MBNL1: variants seen among roughly 807,000 people sequenced by gnomAD.
The protein encoded by MBNL1 is muscleblind-like protein 1.
In MBNL1, 8 loss-of-function variants were observed where a neutral mutation model predicts 42.2. The observed-to-expected ratio is 0.19, with a 90% CI of 0.11 to 0.34. MBNL1 has a LOEUF of 0.34. Ranked by LOEUF, MBNL1 falls within the 10% of genes least tolerant of loss-of-function variation. The pLI is 1.00. For missense variants in MBNL1, 309 were observed against 495.3 expected, an observed-to-expected ratio of 0.62 and a Z score of 3.57; for synonymous variants, 169 against 173.9, an observed-to-expected ratio of 0.97 and a Z score of 0.22.
At chr3:152,374,617 A>G (rs1180472376) in intron 2 of MBNL1, among the ~76,000 whole-genome samples, 1 of 152,250 alleles carries the variant, frequency 6.6e-6, no homozygotes. Context: ...CAGCATACGA[A>G]TACCAGGAAA....
In MBNL1 at chr3:152,340,368, T is replaced by C. The variant is rs2092826240; in HGVS notation, c.174+40001T>C. The C allele has an allele frequency of 6.5e-6, 5 of 770,670 alleles. No homozygotes were observed. The South Asian group carries it at 7.5e-5, about 12-fold the overall frequency. The allele number at this position is 770,670 out of a possible 1,614,324, so 47.7% of individuals were successfully genotyped here. ...AAAACTGAACAATAGTAATCTCTTG[T>C]GGTGTATACTTGCCACCTCTGTAAG... On this transcript the variant is annotated intron_variant, in intron 2 of 9. Transcript: ENST00000324210.
chr3:152,353,137 A>G (rs1315213704), intron 2 of MBNL1, among the ~76,000 whole-genome samples: 1 of 152,188 alleles, frequency 6.6e-6, no homozygotes, highest in Non-Finnish European at 1.5e-5. Context: ...GCGAACAAAA[A>G]CACACCTCAG....
At chr3:152,408,248 A>T (rs1293180157) in intron 2 of MBNL1, among the ~76,000 whole-genome samples, 1 of 152,216 alleles carries the variant, frequency 6.6e-6, no homozygotes. Context: ...AACAGGATAT[A>T]TACTATGTAT....
intron 5 of MBNL1, chr3:152,446,884 CTG>C (rs1044101125): frequency 2.5e-5 from 18 of 729,786 alleles, no homozygotes; most frequent in African/African-American, 2.2e-4. Context: ...AATGAAAAAA[CTG>C]AGTGTGGTTT....
chr3:152,346,713 A>G (rs1170595589), intron 2 of MBNL1, among the ~76,000 whole-genome samples: 2 of 152,106 alleles, frequency 1.3e-5, no homozygotes, highest in East Asian at 1.9e-4. Context: ...GTTGCCCAAG[A>G]GAAAAATACA....
Position 152,464,011 on chromosome 3 carries a change from G to A in MBNL1, c.*1645G>A, listed in dbSNP as rs1400623525. ...TTAAAGCCTTAGATTATTACATTAC[G>A]GGTTGGAACCCATACCAATGTAATT... On this transcript the variant is annotated 3_prime_UTR_variant, in exon 10 of 10. Transcript: ENST00000324210. 6.6e-6 allele frequency: 1 copy of A among 152,432 alleles called. No homozygotes were observed. The highest frequency in any genetic ancestry group is 1.5e-5 in the Non-Finnish European group (1 of 67,950). 9.4% of individuals were successfully genotyped at this position (152,432 alleles called of 1,614,324 possible). A position where few individuals can be genotyped will look rare whatever the true frequency, so the allele number is the denominator to read the frequency against.
chr3:152,245,794 T>C (rs1295574979), intron 2 of MBNL1, among the ~76,000 whole-genome samples: 1 of 152,326 alleles, frequency 6.6e-6, no homozygotes, highest in South Asian at 2.1e-4. Flanking sequence ...AGAGTGTTAC[T>C]GTTACAAACT....
intron 1 of MBNL1, among the ~76,000 whole-genome samples, chr3:152,283,964 T>G (rs1467026096): frequency 6.6e-6 from 1 of 152,206 alleles, no homozygotes; most frequent in Non-Finnish European, 1.5e-5. Flanking sequence ...ACCTCTACTG[T>G]GTACTTCTCG....
rs202070328 is a variant in MBNL1, at chr3:152,319,614, G to GTTTTTTTTT, written c.174+19264_174+19272dup. Among the ~76,000 whole-genome samples, 70 of 80,504 alleles carry GTTTTTTTTT rather than the reference G, an allele frequency of 8.7e-4. 8 individuals are homozygous for GTTTTTTTTT. Among genetic ancestry groups the GTTTTTTTTT allele is most frequent in the South Asian group, 2.2e-3 (5 of 2,296 alleles). The allele number at this position is 80,504 out of a possible 152,430, so 52.8% of individuals were successfully genotyped here. A position where few individuals can be genotyped will look rare whatever the true frequency, so the allele number is the denominator to read the frequency against. On this transcript the variant is annotated intron_variant, in intron 2 of 9. Transcript: ENST00000324210. ...TACGGTGGCATTAAAGTTCTATACT[G>GTTTTTTTTT]TTTTTTTTTTTTTTTTTTTTTTTTT...
intron 1 of MBNL1, chr3:152,269,511 T>C (rs1165981856): frequency 2.2e-6 from 1 of 455,208 alleles, no homozygotes; most frequent in East Asian, 7.0e-5. Context: ...CCCGCATCCC[T>C]GGCCCCGGGG....
intron 2 of MBNL1, among the ~76,000 whole-genome samples, chr3:152,398,372 T>A (rs1013153537): frequency 5.3e-5 from 8 of 152,274 alleles, no homozygotes; most frequent in Admixed American, 4.6e-4. Context: ...CCTATCATGT[T>A]TAATATCAGG....
At chr3:152,338,011 T>G in intron 2 of MBNL1, 1 of 858,320 alleles carries the variant, frequency 1.2e-6, no homozygotes, top group Non-Finnish European at 1.4e-6. Flanking sequence ...TATTTGTAAA[T>G]TAAATATTGC....
At chr3:152,454,348 A>G (rs1473543087) in intron 6 of MBNL1, among the ~76,000 whole-genome samples, 1 of 152,188 alleles carries the variant, frequency 6.6e-6, no homozygotes, top group Non-Finnish European at 1.5e-5. Context: ...TTATAGGGCC[A>G]TCTCTGACGA....
intron 2 of MBNL1, among the ~76,000 whole-genome samples, chr3:152,322,479 T>A (rs991106710): frequency 3.3e-5 from 5 of 152,068 alleles, no homozygotes; most frequent in African/African-American, 1.2e-4. Context: ...CAAACTAGCC[T>A]TGTATATAGA....
intron 2 of MBNL1, among the ~76,000 whole-genome samples, chr3:152,390,782 G>C (rs2153471801): frequency 6.6e-6 from 1 of 152,270 alleles, no homozygotes; most frequent in South Asian, 2.1e-4. Context: ...TAGGATACTT[G>C]ATGCAGGGAG....
At chr3:152,277,050 C>T (rs1042479757) in intron 1 of MBNL1, among the ~76,000 whole-genome samples, 1 of 152,054 alleles carries the variant, frequency 6.6e-6, no homozygotes, top group Non-Finnish European at 1.5e-5. Flanking sequence ...ATTTAAAAAA[C>T]TTTTAATCAA....
At chr3:152,432,999 C>A in intron 4 of MBNL1, 79 bp downstream of exon 4, 1 of 1,367,180 alleles carries the variant, frequency 7.3e-7, no homozygotes, top group Non-Finnish European at 1.0e-6. Context: ...TGTGTGTTTC[C>A]ATGGCCAAAA....
intron 2 of MBNL1, among the ~76,000 whole-genome samples, chr3:152,335,596 TTCC>T (rs1391096152): frequency 6.6e-6 from 1 of 152,062 alleles, no homozygotes; most frequent in Non-Finnish European, 1.5e-5. Context: ...AAAGCAGTTG[TTCC>T]TCCTTTCAAT....
At chr3:152,294,978 A>T (rs559699849) in intron 1 of MBNL1, among the ~76,000 whole-genome samples, 1 of 152,300 alleles carries the variant, frequency 6.6e-6, no homozygotes, top group African/African-American at 2.4e-5. Context: ...GATCTATAGG[A>T]TATAATTTGA....
Sources: allele counts gnomAD v4.1 joint callset (sites outside exome capture counted in the v4.1 genomes callset), GRCh38; gene constraint gnomAD v4.1.1; transcripts MANE v1.5; gene names NCBI Gene and HGNC (gene_info 2026-07-23, HGNC 2026-07-21).